The following NTM variants were observed in gnomAD, a reference collection of about 807,000 sequenced individuals.
NTM encodes IgLON family member 2.
In NTM, 13 loss-of-function variants were observed where a neutral mutation model predicts 42.1. The ratio of observed to expected loss-of-function variants is 0.31; its 90% confidence interval spans 0.20 to 0.49. The LOEUF is 0.49. Among genes scored for constraint, NTM ranks in the 20% least tolerant of loss-of-function variants. The pLI is 0.99. For synonymous variants in NTM, 187 were observed against 179.2 expected (o/e 1.04, Z -0.35); for missense variants, 373 against 452.8 (o/e 0.82, Z 1.60).
intron 1 of NTM, among the ~76,000 whole-genome samples, chr11:131,381,344 A>T (rs1942654942): frequency 6.6e-6 from 1 of 152,236 alleles, no homozygotes; most frequent in African/African-American, 2.4e-5. Flanking sequence ...AACAGTCAAG[A>T]GGAAACTCAG....
intron 1 of NTM, among the ~76,000 whole-genome samples, chr11:131,901,448 T>A (rs2053147053): frequency 6.6e-6 from 1 of 152,242 alleles, no homozygotes; most frequent in South Asian, 2.1e-4. Context: ...GAGCTAAAGT[T>A]TTAATTACTT....
intron 1 of NTM, among the ~76,000 whole-genome samples, chr11:131,404,586 TC>T (rs1316565321): frequency 2.0e-5 from 3 of 152,172 alleles, no homozygotes; most frequent in Non-Finnish European, 4.4e-5. Flanking sequence ...GCCCAGACCT[TC>T]CCCATGAACT....
chr11:131,380,968 G>T (rs76377464), intron 1 of NTM, among the ~76,000 whole-genome samples: 3 of 151,774 alleles, frequency 2.0e-5, no homozygotes, highest in Non-Finnish European at 2.9e-5. Flanking sequence ...CTTTTTTCCC[G>T]TATATTAGTA....
Position 132,259,701 on chromosome 11 carries a change from T to A in NTM, c.526+47554T>A, listed in dbSNP as rs150143429. ...TCTCAAAAAACAAGAAGTTTTTTAG[T>A]TGATCACCAATAAATCAACTAGGAC... On this transcript the variant is annotated intron_variant, in intron 4 of 8. Coordinates refer to ENST00000683400, the MANE Select transcript of NTM (RefSeq NM_001352005.2). Among the ~76,000 whole-genome samples the A allele has an allele frequency of 2.3e-3, 353 of 152,142 alleles. 3 individuals are homozygous for A. The highest frequency in any genetic ancestry group is 0.023 in the East Asian group (117 of 5,124).
chr11:132,221,370 T>G (rs781345244), intron 4 of NTM, among the ~76,000 whole-genome samples: 1 of 152,098 alleles, frequency 6.6e-6, no homozygotes, highest in Non-Finnish European at 1.5e-5. Context: ...ATGAGAAAAC[T>G]TAATATGTTT....
intron 1 of NTM, among the ~76,000 whole-genome samples, chr11:131,674,478 C>A (rs894537168): frequency 1.3e-5 from 2 of 152,230 alleles, no homozygotes; most frequent in African/African-American, 4.8e-5. Flanking sequence ...TTCTGCTTCC[C>A]TGCAGCTGGG....
At chr11:132,311,279 G>A (rs10894533) in intron 6 of NTM, among the ~76,000 whole-genome samples, 28,687 of 152,052 alleles carry the variant, frequency 0.19, 3,523 homozygotes, top group East Asian at 0.53. Context: ...TTAGAACCAC[G>A]TCAATCAGTT....
intron 1 of NTM, among the ~76,000 whole-genome samples, chr11:131,828,026 G>T (rs2136495927): frequency 6.6e-6 from 1 of 152,042 alleles, no homozygotes; most frequent in East Asian, 1.9e-4. Context: ...TGACTCTGGA[G>T]TCAAACTGCC....
chr11:131,546,988 T>C (rs1477799713), intron 1 of NTM, among the ~76,000 whole-genome samples: 1 of 152,152 alleles, frequency 6.6e-6, no homozygotes, highest in African/African-American at 2.4e-5. Context: ...TCTGAGTTAC[T>C]GTTCTATGGT....
intron 3 of NTM, among the ~76,000 whole-genome samples, chr11:132,159,719 A>C (rs982576410): frequency 6.6e-6 from 1 of 152,186 alleles, no homozygotes; most frequent in African/African-American, 2.4e-5. Flanking sequence ...CTTCCCAGAA[A>C]AAAAAGAAGA....
chr11:132,264,661 G>A (rs947185974), intron 4 of NTM, among the ~76,000 whole-genome samples: 7 of 152,186 alleles, frequency 4.6e-5, no homozygotes, highest in African/African-American at 1.7e-4. Flanking sequence ...AGAGATGAAT[G>A]AATTAAAATA....
At chr11:131,556,427 TAAGTC>T (rs2055420541) in intron 1 of NTM, among the ~76,000 whole-genome samples, 1 of 152,248 alleles carries the variant, frequency 6.6e-6, no homozygotes, top group Non-Finnish European at 1.5e-5. Flanking sequence ...TAATAATTAA[TAAGTC>T]AGAGTACCCA....
At position 132,311,676 on chromosome 11, in the gene NTM, A is replaced by G. The variant is rs1274892372; in HGVS notation, c.782+1444A>G. On this transcript the variant is annotated intron_variant, in intron 6 of 8. Transcript: ENST00000683400. ...AAAAAACCTATTGAGCTATGGGGTC[A>G]GTTCCCAAATCTTCAATTGTCTAGG... Among the ~76,000 whole-genome samples the G allele has an allele frequency of 3.3e-5, 5 of 152,264 alleles. No individual in the cohort carries two copies. The East Asian group carries it at 9.6e-4, about 29-fold the overall frequency.
At chr11:132,311,719 C>T (rs2095286101) in intron 6 of NTM, among the ~76,000 whole-genome samples, 2 of 152,196 alleles carry the variant, frequency 1.3e-5, no homozygotes, top group African/African-American at 4.8e-5. Flanking sequence ...GAAAAGTCAT[C>T]AGCTGCGTCC....
rs751692536 is a variant in NTM at position 132,335,154 on chromosome 11, G to A, written c.*8G>A. The A allele has an allele frequency of 1.2e-6, 2 of 1,611,726 alleles. No homozygotes were observed. The highest frequency in any genetic ancestry group is 2.2e-5 in the South Asian group (2 of 91,058). On this transcript the variant is annotated 3_prime_UTR_variant, in exon 9 of 9. Coordinates refer to ENST00000683400, the MANE Select transcript of NTM (RefSeq NM_001352005.2). ...CTGCTTCTCAAATTTTGATGTGAGT[G>A]CCACTTCCCCACCCGGGAAAGGCTG...
At chr11:131,946,415 G>A (rs1015014214) in intron 2 of NTM, among the ~76,000 whole-genome samples, 2 of 152,102 alleles carry the variant, frequency 1.3e-5, no homozygotes, top group Admixed American at 1.3e-4. Context: ...GGTCAAATAG[G>A]CCATTTCCTG....
At chr11:132,236,820 C>G (rs918379403) in intron 4 of NTM, among the ~76,000 whole-genome samples, 1 of 152,162 alleles carries the variant, frequency 6.6e-6, no homozygotes, top group African/African-American at 2.4e-5. Context: ...TGACTCCCTC[C>G]GAAAGAATGG....
intron 1 of NTM, among the ~76,000 whole-genome samples, chr11:131,512,098 G>A (rs186045118): frequency 6.6e-6 from 1 of 152,154 alleles, no homozygotes; most frequent in African/African-American, 2.4e-5. Flanking sequence ...TCCAAATTGC[G>A]CATTCCACTT....
intron 1 of NTM, among the ~76,000 whole-genome samples, chr11:131,777,442 A>T (rs1192074500): frequency 1.4e-5 from 1 of 69,190 alleles, no homozygotes; most frequent in African/African-American, 5.9e-5. Context: ...CATCCCCCCC[A>T]CCCCCCACCC....
Sources: gnomAD v4.1 joint callset for allele counts (sites outside exome capture counted in the v4.1 genomes callset) on GRCh38, gnomAD v4.1.1 for gene constraint, MANE v1.5 for transcripts, NCBI Gene and HGNC (gene_info 2026-07-23, HGNC 2026-07-21) for gene names.